KAT6A: variants seen among roughly 807,000 people sequenced by gnomAD.
KAT6A encodes the protein lysine acetyltransferase 6A.
A neutral mutation model predicts 198.4 loss-of-function variants in KAT6A; 9 were observed. The ratio of observed to expected loss-of-function variants is 0.05; its 90% confidence interval spans 0.03 to 0.08. The LOEUF (loss-of-function observed/expected upper bound fraction) is 0.08. Ranked by LOEUF, KAT6A falls within the 10% of genes least tolerant of loss-of-function variation. KAT6A has a pLI of 1.00. For missense variants in KAT6A, 2,077 were observed against 2,509.9 expected (o/e 0.83, Z 3.69); for synonymous variants, 890 against 883.0 (o/e 1.01, Z -0.14).
At chr8:42,040,783 AT>A (rs1476593672) in intron 2 of KAT6A, among the ~76,000 whole-genome samples, 1 of 151,426 alleles carries the variant, frequency 6.6e-6, no homozygotes, top group Non-Finnish European at 1.5e-5. Flanking sequence ...GAAAAGAAAA[AT>A]TGGTTTGGTA....
At chr8:42,025,953 A>G (rs1826794476) in intron 2 of KAT6A, among the ~76,000 whole-genome samples, 1 of 152,192 alleles carries the variant, frequency 6.6e-6, no homozygotes, top group East Asian at 1.9e-4. Flanking sequence ...TGACTTTTGC[A>G]TAAAGTGAGA....
At chr8:42,005,575 T>C (rs1041702490) in intron 2 of KAT6A, among the ~76,000 whole-genome samples, 2 of 152,238 alleles carry the variant, frequency 1.3e-5, no homozygotes, top group African/African-American at 4.8e-5. Context: ...CAACTCCTTC[T>C]GCTGTTTTCC....
intron 9 of KAT6A, among the ~76,000 whole-genome samples, chr8:41,952,382 T>C (rs1008831711): frequency 6.6e-6 from 1 of 152,170 alleles, no homozygotes; most frequent in Admixed American, 6.5e-5. Flanking sequence ...GGGCATCCAA[T>C]GATCATAATT....
intron 1 of KAT6A, among the ~76,000 whole-genome samples, chr8:42,051,472 G>C (rs1165948094): frequency 6.8e-6 from 1 of 147,700 alleles, no homozygotes; most frequent in Non-Finnish European, 1.5e-5. Flanking sequence ...GGCACAGCCG[G>C]CACGCGCGCG....
At chr8:41,950,076 C>A (rs899773630) in intron 9 of KAT6A, among the ~76,000 whole-genome samples, 4 of 152,078 alleles carry the variant, frequency 2.6e-5, no homozygotes, top group African/African-American at 9.7e-5. Context: ...ATTATTAGTA[C>A]AACCCTTCCA....
intron 2 of KAT6A, among the ~76,000 whole-genome samples, chr8:42,040,549 C>T (rs997241985): frequency 5.9e-5 from 9 of 151,516 alleles, no homozygotes; most frequent in African/African-American, 1.9e-4. Flanking sequence ...GCCTGGCCAA[C>T]GTGGCAAAAC....
intron 11 of KAT6A, 79 bp downstream of exon 11, chr8:41,947,672 G>T: frequency 8.6e-7 from 1 of 1,160,400 alleles, no homozygotes; most frequent in Non-Finnish European, 1.2e-6. Flanking sequence ...GCATCTTGTT[G>T]TGTCCCCGAG....
At chr8:42,018,275 C>G (rs1198572549) in intron 2 of KAT6A, among the ~76,000 whole-genome samples, 1 of 152,196 alleles carries the variant, frequency 6.6e-6, no homozygotes, top group Non-Finnish European at 1.5e-5. Context: ...GTGGCTCACA[C>G]CTGTAATCCT....
intron 2 of KAT6A, among the ~76,000 whole-genome samples, chr8:42,020,964 CAACTT>C (rs904360718): frequency 5.3e-5 from 8 of 152,028 alleles, no homozygotes; most frequent in African/African-American, 1.9e-4. Flanking sequence ...CTTATTTTAA[CAACTT>C]AACAATGGGG....
chr8:41,955,158 T>C, intron 9 of KAT6A, 138 bp downstream of exon 9: 1 of 598,216 alleles, frequency 1.7e-6, no homozygotes, highest in South Asian at 2.0e-5. Context: ...CCAAAGCCGC[T>C]GCTATTATGG....
chr8:41,949,173 C>A, intron 10 of KAT6A, 49 bp downstream of exon 10: 1 of 1,291,530 alleles, frequency 7.7e-7, no homozygotes, highest in Non-Finnish European at 1.0e-6. Flanking sequence ...ATATAGGTGG[C>A]CCTACTTATG....
intron 8 of KAT6A, 196 bp downstream of exon 8, chr8:41,974,508 T>G: frequency 2.4e-6 from 1 of 412,190 alleles, no homozygotes; most frequent in Non-Finnish European, 4.3e-6. Flanking sequence ...AGCCATGTGC[T>G]TATCTGCAAA....
At chr8:41,978,874 A>G in intron 5 of KAT6A, 97 bp from the exon 6 acceptor site, 2 of 1,127,824 alleles carry the variant, frequency 1.8e-6, no homozygotes, top group Non-Finnish European at 2.6e-6. Flanking sequence ...TTTTTCAGGT[A>G]AAAGACTGTC....
intron 2 of KAT6A, among the ~76,000 whole-genome samples, chr8:41,990,078 G>C (rs1006319070): frequency 1.3e-5 from 2 of 151,546 alleles, no homozygotes; most frequent in Non-Finnish European, 2.9e-5. Flanking sequence ...CAACTCTAAA[G>C]AAGGCCTAGG....
At chr8:42,043,095 GGC>G (rs1827745439) in intron 2 of KAT6A, among the ~76,000 whole-genome samples, 1 of 152,006 alleles carries the variant, frequency 6.6e-6, no homozygotes, top group Admixed American at 6.6e-5. Flanking sequence ...AACTAAAAAA[GGC>G]TTTCAAAAAA....
intron 3 of KAT6A, among the ~76,000 whole-genome samples, chr8:41,982,449 A>C (rs949184977): frequency 2.6e-5 from 4 of 152,178 alleles, no homozygotes; most frequent in Admixed American, 6.5e-5. Context: ...TTACTTTTGT[A>C]ATTTAAAAAA....
Position 41,971,814 on chromosome 8 carries a change from G to A in KAT6A, c.1482+2890C>T, listed in dbSNP as rs368891831. Among the ~76,000 whole-genome samples, 5 of 152,194 alleles carry A rather than the reference G, an allele frequency of 3.3e-5. No individual in the cohort carries two copies. The South Asian group carries it at 1.0e-3, about 32-fold the overall frequency. ...AGCAGCCTAAGCCAGAGATGACAGT[G>A]GGTTGGCAGTAGCAAATACAGACAT... is the stretch of plus-strand genomic sequence containing the variant. On this transcript the variant is annotated intron_variant, in intron 8 of 16. Transcript: ENST00000265713.
intron 14 of KAT6A, chr8:41,942,319 GT>G (rs963820267): frequency 4.3e-6 from 1 of 231,014 alleles, no homozygotes; most frequent in Non-Finnish European, 8.6e-6. Flanking sequence ...TTGTTGTTGG[GT>G]TTTTTTTGTA....
chr8:41,998,322 A>T (rs1040005377), intron 2 of KAT6A, among the ~76,000 whole-genome samples: 9 of 152,200 alleles, frequency 5.9e-5, no homozygotes, highest in African/African-American at 2.2e-4. Context: ...AACAAACTGC[A>T]CACATATTCC....
Sources: allele counts gnomAD v4.1 joint callset (sites outside exome capture counted in the v4.1 genomes callset), GRCh38; gene constraint gnomAD v4.1.1; transcripts MANE v1.5; gene names NCBI Gene and HGNC (gene_info 2026-07-23, HGNC 2026-07-21).